Variants in GPHN observed in about 807,000 individuals in gnomAD.
GPHN encodes gephyrin.
Under a neutral mutation model 95.5 loss-of-function variants are expected in GPHN, and 17 were observed. The observed-to-expected ratio is 0.18, with a 90% CI of 0.12 to 0.27. The LOEUF is 0.27. GPHN is among the 10% of genes least tolerant of loss of function. The probability of loss-of-function intolerance (pLI) is 1.00; values close to 1 mark genes in which losing one functional copy is unlikely to be tolerated. For missense variants in GPHN, 660 were observed against 978.1 expected, an observed-to-expected ratio of 0.67 and a Z score of 4.34; for synonymous variants, 320 against 322.5, an observed-to-expected ratio of 0.99 and a Z score of 0.08.
At chr14:66,824,389 T>C (rs2061318648) in intron 3 of GPHN, 85 bp from the exon 4 acceptor site, 1 of 716,968 alleles carries the variant, frequency 1.4e-6, no homozygotes, top group East Asian at 2.6e-5. Context: ...GTTTCCTCGT[T>C]GAATACAAAG....
At chr14:67,650,298 G>C in the GPHN span, 6 of 229,372 alleles carry the variant, frequency 2.6e-5, no homozygotes, top group African/African-American at 1.4e-4. Flanking sequence ...GCAAGTGGCA[G>C]ATTTCCTCTG....
chr14:67,208,514 C>A, the GPHN span: 1 of 1,507,666 alleles, frequency 6.6e-7, no homozygotes, highest in Admixed American at 2.1e-5. Flanking sequence ...GAAATATGTG[C>A]TTTAGTCTCT....
intron 5 of GPHN, among the ~76,000 whole-genome samples, chr14:66,908,348 G>T (rs1044412044): frequency 2.6e-5 from 4 of 151,894 alleles, no homozygotes; most frequent in Non-Finnish European, 5.9e-5. Context: ...GACATCTCCC[G>T]ATGACCAAAG....
At chr14:67,068,679 A>G (rs1188162549) in intron 11 of GPHN, among the ~76,000 whole-genome samples, 1 of 152,202 alleles carries the variant, frequency 6.6e-6, no homozygotes, top group African/African-American at 2.4e-5. Context: ...AGATTACATG[A>G]TTAAAGACTT....
At chr14:67,483,003 C>CTTTTTTTG in the GPHN span, among the ~76,000 whole-genome samples, 1 of 152,106 alleles carries the variant, frequency 6.6e-6, no homozygotes, top group Non-Finnish European at 1.5e-5. Context: ...AGGCTACGTT[C>CTTTTTTTG]TTTTTTTGTT....
chr14:67,131,309 G>T (rs866981813), intron 17 of GPHN, among the ~76,000 whole-genome samples: 1 of 151,876 alleles, frequency 6.6e-6, no homozygotes, highest in Admixed American at 6.6e-5. Context: ...ATTGGGCCAG[G>T]GTTGTTTTCT....
chr14:67,068,290 C>T (rs753313185), intron 11 of GPHN, among the ~76,000 whole-genome samples: 10 of 152,144 alleles, frequency 6.6e-5, no homozygotes, highest in South Asian at 2.1e-4. Flanking sequence ...TTTTGACTAC[C>T]GATGAATTTT....
the GPHN span, among the ~76,000 whole-genome samples, chr14:67,629,601 ATGATGGTAG>A: frequency 9.3e-3 from 1,411 of 152,310 alleles, 15 homozygotes; most frequent in Middle Eastern, 0.031. Context: ...CTGGAGATGG[ATGATGGTAG>A]TGATGGTAGT....
rs186631915 is a variant in GPHN at position 66,972,680 on chromosome 14, T to C, written c.963+7355T>C. On this transcript the variant is annotated intron_variant, in intron 9 of 22. Transcript: ENST00000478722. ...AATTAATTAAATTTAATTTAACTAATATTAAATAGTAAATTTAATGTGTAT... is the reference window on the plus strand; with the variant it reads ...AATTAATTAAATTTAATTTAACTAACATTAAATAGTAAATTTAATGTGTAT... Among the ~76,000 whole-genome samples the C allele has an allele frequency of 2.2e-3, 317 of 146,240 alleles. 1 individual carries two copies. The highest frequency in any genetic ancestry group is 7.3e-3 in the African/African-American group (298 of 41,078).
At chr14:67,604,823 G>A in the GPHN span, among the ~76,000 whole-genome samples, 1 of 152,032 alleles carries the variant, frequency 6.6e-6, no homozygotes, top group Non-Finnish European at 1.5e-5. Flanking sequence ...TGTTTGTAGA[G>A]GTTAAGGGTC....
chr14:66,926,070 G>A (rs912170054), intron 8 of GPHN, among the ~76,000 whole-genome samples: 1 of 152,126 alleles, frequency 6.6e-6, no homozygotes, highest in Non-Finnish European at 1.5e-5. Context: ...CATCTATTCA[G>A]ATCTTTTACC....
intron 1 of GPHN, among the ~76,000 whole-genome samples, chr14:66,595,141 G>T (rs552599315): frequency 2.6e-5 from 4 of 152,142 alleles, no homozygotes; most frequent in Admixed American, 2.0e-4. Context: ...AAAAAAGACC[G>T]AAGGTAAGTA....
chr14:66,700,539 T>G (rs187673689), intron 2 of GPHN, among the ~76,000 whole-genome samples: 5 of 152,318 alleles, frequency 3.3e-5, no homozygotes, highest in African/African-American at 1.2e-4. Flanking sequence ...AACTCGGGGA[T>G]GAAGGATTTT....
intron 1 of GPHN, among the ~76,000 whole-genome samples, chr14:66,630,036 T>C (rs2063732113): frequency 1.3e-5 from 2 of 152,132 alleles, no homozygotes. Flanking sequence ...TATAATGACA[T>C]AGTTAAATAT....
At chr14:67,473,178 T>G in the GPHN span, 1 of 545,434 alleles carries the variant, frequency 1.8e-6, no homozygotes, top group South Asian at 2.1e-5. This position sits in a 1 kb window ranked among gnomAD's most constrained non-coding sequence, Gnocchi z 6.5. Context: ...ACCCCTGAAC[T>G]GGGCCGCGAT....
intron 5 of GPHN, among the ~76,000 whole-genome samples, chr14:66,884,205 C>T (rs1171170740): frequency 1.3e-5 from 2 of 152,018 alleles, no homozygotes; most frequent in African/African-American, 4.8e-5. Flanking sequence ...GCTTTGGGTG[C>T]TAACACTGTC....
the GPHN span, chr14:67,562,606 C>T: frequency 6.2e-7 from 1 of 1,612,980 alleles, no homozygotes; most frequent in East Asian, 2.2e-5. Flanking sequence ...GGGACAGCAT[C>T]CAGTTGGCCA....
At chr14:67,239,200 C>T in the GPHN span, among the ~76,000 whole-genome samples, 1 of 152,076 alleles carries the variant, frequency 6.6e-6, no homozygotes, top group African/African-American at 2.4e-5. Context: ...GTAAAACTGC[C>T]TGGGGCCAAG....
At chr14:66,708,252 C>T (rs936732498) in intron 2 of GPHN, among the ~76,000 whole-genome samples, 10 of 151,972 alleles carry the variant, frequency 6.6e-5, no homozygotes, top group Non-Finnish European at 5.9e-5. Context: ...CTGTTAAGTC[C>T]CTTTCGGCAT....
Sources: gnomAD v4.1 joint callset for allele counts (sites outside exome capture counted in the v4.1 genomes callset) on GRCh38, gnomAD v4.1.1 for gene constraint, Gnocchi (gnomAD v3.1) non-coding constraint, MANE v1.5 for transcripts, NCBI Gene and HGNC (gene_info 2026-07-23, HGNC 2026-07-21) for gene names.